Variants in FRMD4A observed in about 807,000 individuals in gnomAD.
FRMD4A encodes the protein FERM domain containing 4A, also known as FERM domain-containing protein 4A.
Under a neutral mutation model 129.1 loss-of-function variants are expected in FRMD4A, and 29 were observed. The observed-to-expected ratio is 0.22, with a 90% CI of 0.17 to 0.31. FRMD4A has a LOEUF of 0.31. Among genes scored for constraint, FRMD4A ranks in the 10% least tolerant of loss-of-function variants. The pLI, the probability that FRMD4A is intolerant of heterozygous loss-of-function variation, is 1.00. For synonymous variants in FRMD4A, 634 were observed against 571.6 expected (o/e 1.11, Z -1.56); for missense variants, 1,272 against 1,375.8 (o/e 0.92, Z 1.19).
intron 2 of FRMD4A, among the ~76,000 whole-genome samples, chr10:14,235,577 A>G (rs950226104): frequency 1.3e-5 from 2 of 152,146 alleles, no homozygotes; most frequent in African/African-American, 2.4e-5. Context: ...TGTTACTTCA[A>G]TGGGGTGTTT....
Position 13,802,560 on chromosome 10 carries a change from T to C in FRMD4A, c.207-5972A>G, listed in dbSNP as rs147374355. The stretch of plus-strand genomic sequence containing the variant: ...TTGAACTGCTGGGCTCAAGCGATCC[T>C]TCTGCCTCAGCCTCTGGAATAGCTG... On this transcript the variant is annotated intron_variant, in intron 4 of 24. Transcript: ENST00000357447. Among the ~76,000 whole-genome samples the C allele has an allele frequency of 8.1e-3, 1,237 of 152,322 alleles. 13 individuals are homozygous for C. Among genetic ancestry groups the C allele is most frequent in the African/African-American group, 0.028 (1,154 of 41,554 alleles).
intron 2 of FRMD4A, among the ~76,000 whole-genome samples, chr10:14,091,863 T>A (rs1836680447): frequency 6.6e-6 from 1 of 152,226 alleles, no homozygotes; most frequent in South Asian, 2.1e-4. Context: ...TCTTTAAGTC[T>A]CCAACTGGAA....
At chr10:13,677,696 C>T (rs2084122559) in intron 15 of FRMD4A, among the ~76,000 whole-genome samples, 1 of 152,214 alleles carries the variant, frequency 6.6e-6, no homozygotes, top group Non-Finnish European at 1.5e-5. Flanking sequence ...GTTTATGTCC[C>T]TCCAAGGTTA....
intron 3 of FRMD4A, among the ~76,000 whole-genome samples, chr10:13,856,013 A>ACTATCTATCTATCTATCAT (rs994770198): frequency 0.012 from 1,846 of 147,948 alleles, 45 homozygotes; most frequent in African/African-American, 0.043. Flanking sequence ...ACACACAAAT[A>ACTATCTATCTATCTATCAT]CTATCTATCT....
chr10:14,170,892 C>T (rs1390010685), intron 2 of FRMD4A, among the ~76,000 whole-genome samples: 1 of 151,810 alleles, frequency 6.6e-6, no homozygotes, highest in Non-Finnish European at 1.5e-5. Flanking sequence ...ACAGTTTCTT[C>T]AGATTACACT....
chr10:14,024,490 A>G (rs1374521190), intron 2 of FRMD4A, among the ~76,000 whole-genome samples: 1 of 152,212 alleles, frequency 6.6e-6, no homozygotes, highest in Non-Finnish European at 1.5e-5. Flanking sequence ...CTCAGGAAAC[A>G]CCGTCGGCGT....
At chr10:13,799,122 C>T (rs2093194798) in intron 4 of FRMD4A, among the ~76,000 whole-genome samples, 1 of 152,180 alleles carries the variant, frequency 6.6e-6, no homozygotes, top group African/African-American at 2.4e-5. Context: ...ACAGAACTTG[C>T]TCTCTATGCA....
intron 2 of FRMD4A, among the ~76,000 whole-genome samples, chr10:14,247,082 C>T: frequency 6.6e-6 from 1 of 152,286 alleles, no homozygotes; most frequent in South Asian, 2.1e-4. Context: ...CTCGCAAGCT[C>T]TTCTAGCGCG....
intron 21 of FRMD4A, among the ~76,000 whole-genome samples, 154 bp downstream of exon 21, chr10:13,659,169 A>C (rs188397812): frequency 9.2e-5 from 14 of 152,254 alleles, no homozygotes; most frequent in Admixed American, 8.5e-4. Flanking sequence ...ACGGGGGTTG[A>C]CTGCTGCCAG....
chr10:13,915,529 G>A (rs71479849), intron 2 of FRMD4A, among the ~76,000 whole-genome samples: 8,731 of 151,888 alleles, frequency 0.057, 316 homozygotes, highest in Non-Finnish European at 0.07. Flanking sequence ...AAAATTAGCC[G>A]GGCATGGTGG....
chr10:13,886,717 G>A (rs2094626554), intron 2 of FRMD4A, among the ~76,000 whole-genome samples: 1 of 152,024 alleles, frequency 6.6e-6, no homozygotes, highest in Admixed American at 6.5e-5. Flanking sequence ...GAGCAGCTGG[G>A]AACACAGGCA....
chr10:14,221,515 G>A (rs2131972568), intron 2 of FRMD4A, among the ~76,000 whole-genome samples: 1 of 152,232 alleles, frequency 6.6e-6, no homozygotes, highest in Middle Eastern at 3.4e-3. Flanking sequence ...AAACCAAATT[G>A]GTTTGCTTTA....
intron 2 of FRMD4A, among the ~76,000 whole-genome samples, chr10:14,144,234 C>G (rs1239663967): frequency 2.0e-5 from 3 of 152,142 alleles, no homozygotes; most frequent in Non-Finnish European, 2.9e-5. Context: ...AAATGCAAAT[C>G]AGTGTCACTC....
intron 2 of FRMD4A, among the ~76,000 whole-genome samples, chr10:14,003,129 C>T (rs77595519): frequency 0.027 from 4,060 of 152,106 alleles, 69 homozygotes; most frequent in African/African-American, 0.036. Flanking sequence ...TTGAGGGGAG[C>T]AAGACTGGCC....
chr10:14,267,530 C>CAGTA (rs1358373223), intron 2 of FRMD4A, among the ~76,000 whole-genome samples: 1 of 152,234 alleles, frequency 6.6e-6, no homozygotes, highest in Non-Finnish European at 1.5e-5. Context: ...CACCATTTGG[C>CAGTA]AGTAGCCTTT....
chr10:14,162,651 T>G lies in FRMD4A; in HGVS notation c.45+167407A>C, dbSNP rs1203254382. ...CTCTGTTTTTTTTTTGTTTTTTTTT[T>G]TTTTTTTTGTATATGTTTTCTGCCA... On this transcript the variant is annotated intron_variant, in intron 2 of 24. Transcript: ENST00000357447. 1.1e-3 allele frequency among the ~76,000 whole-genome samples: 165 copies of G among 151,114 alleles called. 1 individual carries two copies. The highest frequency in any genetic ancestry group is 9.7e-3 in the Admixed American group (148 of 15,180).
At chr10:14,233,037 T>C (rs111363989) in intron 2 of FRMD4A, among the ~76,000 whole-genome samples, 159 of 152,294 alleles carry the variant, frequency 1.0e-3, no homozygotes, top group African/African-American at 3.2e-3. Context: ...GTGTGACACA[T>C]AGTAGTTGCA....
At chr10:14,048,545 C>T (rs1477199723) in intron 2 of FRMD4A, among the ~76,000 whole-genome samples, 1 of 152,016 alleles carries the variant, frequency 6.6e-6, no homozygotes, top group Non-Finnish European at 1.5e-5. Context: ...GTGGCTCATG[C>T]CTGTAATCAC....
At chr10:13,984,664 A>G (rs1216278088) in intron 2 of FRMD4A, among the ~76,000 whole-genome samples, 6 of 152,234 alleles carry the variant, frequency 3.9e-5, no homozygotes, top group Non-Finnish European at 8.8e-5. Context: ...TTCACTCAGC[A>G]TAAGGTGCTC....
Sources: allele counts gnomAD v4.1 joint callset (sites outside exome capture counted in the v4.1 genomes callset), GRCh38; gene constraint gnomAD v4.1.1; transcripts MANE v1.5; gene names NCBI Gene and HGNC (gene_info 2026-07-23, HGNC 2026-07-21).